The following TTLL11 variants were observed in gnomAD, a reference collection of about 807,000 sequenced individuals.
The protein encoded by TTLL11 is tubulin tyrosine ligase like 11.
Under a neutral mutation model 51.7 loss-of-function variants are expected in TTLL11, and 42 were observed. The observed-to-expected ratio is 0.81, with a 90% CI of 0.64 to 1.05. The LOEUF is 1.05. Ranked by LOEUF, TTLL11 falls within the 50% of genes least tolerant of loss-of-function variation. TTLL11 has a pLI of 0.00. For missense variants in TTLL11, 799 were observed against 940.4 expected, an observed-to-expected ratio of 0.85 and a Z score of 1.97; for synonymous variants, 381 against 383.5, an observed-to-expected ratio of 0.99 and a Z score of 0.08.
rs181043525 is a variant in TTLL11, at chr9:122,058,445, G to A, written c.463-19077C>T. On this transcript the variant is annotated intron_variant, in intron 1 of 8. Transcript: ENST00000321582. ...TTGGTCCTTCATTTCTCCAGGCAAG[G>A]ATTTAACAATAACGTTCATGTCCAC... 1.7e-4 allele frequency among the ~76,000 whole-genome samples: 26 copies of A among 152,308 alleles called. No homozygotes were observed. In the East Asian group the frequency reaches 2.7e-3, roughly 16 times the overall value.
intron 3 of TTLL11, among the ~76,000 whole-genome samples, chr9:122,016,832 A>G (rs1025263637): frequency 5.9e-5 from 9 of 152,230 alleles, no homozygotes; most frequent in Admixed American, 5.9e-4. Flanking sequence ...TTTTGATAAC[A>G]AAACTGTACT....
rs1836609214 is a variant in TTLL11 at position 121,822,521 on chromosome 9, T to C, written c.*66A>G. The C allele has an allele frequency of 4.3e-6, 6 of 1,381,504 alleles. No homozygotes were observed. Among genetic ancestry groups the C allele is most frequent in the Non-Finnish European group, 5.7e-6 (6 of 1,055,338 alleles). The allele number at this position is 1,381,504 out of a possible 1,614,324, so 85.6% of individuals were successfully genotyped here. ...GCCTGCCATTCCTCTGCAGGCAGAA[T>C]GCCTGGGGCGCTCCAGCCCTGAAAG... is the stretch of plus-strand genomic sequence containing the variant. On this transcript the variant is annotated 3_prime_UTR_variant, in exon 9 of 9. Transcript: ENST00000321582. This position sits in a 1 kb window ranked among gnomAD's most constrained non-coding sequence, Gnocchi z 5.8.
chr9:122,025,574 C>T lies in TTLL11; in HGVS notation c.693+6149G>A, dbSNP rs147789116. 4.2e-3 allele frequency among the ~76,000 whole-genome samples: 644 copies of T among 152,212 alleles called. 7 individuals carry two copies. The highest frequency in any genetic ancestry group is 0.015 in the African/African-American group (619 of 41,502). On this transcript the variant is annotated intron_variant, in intron 3 of 8. Coordinates refer to ENST00000321582, the MANE Select transcript of TTLL11 (RefSeq NM_001139442.2). The stretch of plus-strand genomic sequence containing the variant: ...GATGGAGGCTGCAGTGAGCTGTGAT[C>T]GGGCCACTGCACTCCATCCTGGGGG...
At position 121,890,165 on chromosome 9, in the gene TTLL11, C is replaced by G. The variant is rs757489589; in HGVS notation, c.1482-19417G>C. On this transcript the variant is annotated intron_variant, in intron 6 of 8. Coordinates refer to ENST00000321582, the MANE Select transcript of TTLL11 (RefSeq NM_001139442.2). This position sits in a 1 kb window ranked among gnomAD's most constrained non-coding sequence, Gnocchi z 4.3. ...GTCATTTTTCTACCCCAATTCTGAG[C>G]CTCCAGCTTTGTTCCTGACTCAGAG... Among the ~76,000 whole-genome samples, 5 of 152,266 alleles carry G rather than the reference C, an allele frequency of 3.3e-5. No individual in the cohort carries two copies. In the South Asian group the frequency reaches 8.3e-4, roughly 25 times the overall value.
At chr9:121,944,285 A>C (rs759745793) in intron 6 of TTLL11, among the ~76,000 whole-genome samples, 2 of 152,204 alleles carry the variant, frequency 1.3e-5, no homozygotes, top group Non-Finnish European at 2.9e-5. Context: ...AGGCGGGCAG[A>C]TCATTTGAGA....
At chr9:121,930,123 TC>T (rs1840909386) in intron 6 of TTLL11, among the ~76,000 whole-genome samples, 1 of 152,150 alleles carries the variant, frequency 6.6e-6, no homozygotes, top group Non-Finnish European at 1.5e-5. Flanking sequence ...CCAATCAACT[TC>T]CACCATCTGA....
intron 8 of TTLL11, among the ~76,000 whole-genome samples, chr9:121,839,442 C>G (rs1240811042): frequency 6.6e-6 from 1 of 152,140 alleles, no homozygotes; most frequent in African/African-American, 2.4e-5. Flanking sequence ...TTACTCACTG[C>G]CCAGCTGGGA....
At chr9:121,823,729 T>G (rs1588048083) in intron 8 of TTLL11, among the ~76,000 whole-genome samples, 1 of 152,334 alleles carries the variant, frequency 6.6e-6, no homozygotes, top group African/African-American at 2.4e-5. Flanking sequence ...TTTTGCTGTC[T>G]GTAAATTTTA....
chr9:121,849,613 A>C (rs1317646634), intron 8 of TTLL11, among the ~76,000 whole-genome samples: 1 of 152,236 alleles, frequency 6.6e-6, no homozygotes, highest in African/African-American at 2.4e-5. Context: ...CTCACCAAAG[A>C]AGTTATACAG....
intron 1 of TTLL11, among the ~76,000 whole-genome samples, chr9:122,049,268 A>C (rs1193242386): frequency 1.3e-5 from 2 of 152,216 alleles, no homozygotes; most frequent in African/African-American, 4.8e-5. Context: ...TTTAATCCAC[A>C]AACATGATAA....
chr9:121,870,850 T>A, intron 6 of TTLL11, 102 bp from the exon 7 acceptor site: 5 of 1,312,362 alleles, frequency 3.8e-6, no homozygotes, highest in Non-Finnish European at 3.1e-6. Context: ...CAGCATTTTT[T>A]ATTTTACAGA....
Position 122,093,271 on chromosome 9 carries a change from T to C in TTLL11, c.-123A>G, listed in dbSNP as rs1846322897. 17 of 1,551,274 alleles carry C rather than the reference T, an allele frequency of 1.1e-5. No homozygotes were observed. The highest frequency in any genetic ancestry group is 1.4e-5 in the Non-Finnish European group (16 of 1,159,302). ...CCACGCGTTCCCCGCCCGAGCCCGT[T>C]GCCATGATCGCTCAGGCTCGGGTTG... On this transcript the variant is annotated 5_prime_UTR_variant, in exon 1 of 9. Coordinates refer to ENST00000321582, the MANE Select transcript of TTLL11 (RefSeq NM_001139442.2).
intron 6 of TTLL11, among the ~76,000 whole-genome samples, chr9:121,882,090 A>G (rs2131419551): frequency 6.6e-6 from 1 of 152,232 alleles, no homozygotes; most frequent in East Asian, 1.9e-4. Flanking sequence ...GAACGTGGCA[A>G]GCACTCAGTA....
chr9:121,816,554 A>ACGTGTGTGTGCATGCGTGTG lies in TTLL11; in HGVS notation c.*6032_*6033insCACACGCATGCACACACACG, dbSNP rs2119088887. On this transcript the variant is annotated 3_prime_UTR_variant, in exon 9 of 9. Transcript: ENST00000321582. ...GCTCAGTGTGTGTGTGTGCGTGCGCACGTGTGTGCATGCGTGTGCGTGTGT... is the reference window on the plus strand; with the variant it reads ...GCTCAGTGTGTGTGTGTGCGTGCGCACGTGTGTGTGCATGCGTGTGCGTGTGTGCATGCGTGTGCGTGTGT... 1 of 75,926 alleles carries ACGTGTGTGTGCATGCGTGTG rather than the reference A, an allele frequency of 1.3e-5. No homozygotes were observed. Among genetic ancestry groups the ACGTGTGTGTGCATGCGTGTG allele is most frequent in the East Asian group, 6.3e-4 (1 of 1,588 alleles). The allele number at this position is 75,926 out of a possible 1,614,324, so 4.7% of individuals were successfully genotyped here. A position where few individuals can be genotyped will look rare whatever the true frequency, so the allele number is the denominator to read the frequency against.
chr9:122,051,433 G>A (rs1014740438), intron 1 of TTLL11, among the ~76,000 whole-genome samples: 2 of 152,178 alleles, frequency 1.3e-5, no homozygotes, highest in Non-Finnish European at 2.9e-5. Flanking sequence ...TTGTGGTCTA[G>A]CATAAAGTTA....
intron 1 of TTLL11, among the ~76,000 whole-genome samples, chr9:122,091,429 G>A (rs539923317): frequency 8.1e-4 from 123 of 152,286 alleles, no homozygotes; most frequent in African/African-American, 2.9e-3. Flanking sequence ...TGAATCCCAA[G>A]CCCCAAGGCT....
intron 3 of TTLL11, among the ~76,000 whole-genome samples, chr9:121,993,253 A>G (rs1401892115): frequency 1.3e-5 from 2 of 152,262 alleles, no homozygotes; most frequent in Admixed American, 6.5e-5. Context: ...TACACTTAAC[A>G]TACATACAAT....
intron 3 of TTLL11, among the ~76,000 whole-genome samples, chr9:122,002,728 C>T (rs186282608): frequency 4.4e-4 from 67 of 152,028 alleles, no homozygotes; most frequent in Admixed American, 1.5e-3. Flanking sequence ...AGGCGGATCA[C>T]GAGGTCAAGA....
chr9:121,909,537 T>G (rs942837741), intron 6 of TTLL11, among the ~76,000 whole-genome samples: 1 of 152,188 alleles, frequency 6.6e-6, no homozygotes. Context: ...GACCCCTTTT[T>G]CCAAGTATAT....
Sources: gnomAD v4.1 joint callset for allele counts (sites outside exome capture counted in the v4.1 genomes callset) on GRCh38, gnomAD v4.1.1 for gene constraint, Gnocchi (gnomAD v3.1) non-coding constraint, MANE v1.5 for transcripts, NCBI Gene and HGNC (gene_info 2026-07-23, HGNC 2026-07-21) for gene names.